The following ABCC5 variants were observed in gnomAD, a reference collection of about 807,000 sequenced individuals.
The protein encoded by ABCC5 is ATP binding cassette subfamily C member 5, also known as ATP-binding cassette sub-family C member 5.
In ABCC5, 61 loss-of-function variants were observed where a neutral mutation model predicts 160.9. The ratio of observed to expected loss-of-function variants is 0.38; its 90% CI spans 0.31 to 0.47. ABCC5 has a LOEUF of 0.47. Among genes scored for constraint, ABCC5 ranks in the 20% least tolerant of loss-of-function variants. The pLI is 0.99. For synonymous variants in ABCC5, 666 were observed against 700.6 expected (o/e 0.95, Z 0.78); for missense variants, 1,308 against 1,813.3 (o/e 0.72, Z 5.06).
chr3:183,927,279 TG>T, intron 28 of ABCC5, 50 bp downstream of exon 28: 1 of 1,572,942 alleles, frequency 6.4e-7, no homozygotes, highest in Non-Finnish European at 8.7e-7. Context: ...AGGGCAAGGC[TG>T]CACTAAAACA....
chr3:183,927,249 C>T (rs1296281468), intron 28 of ABCC5, 81 bp downstream of exon 28: 3 of 1,399,172 alleles, frequency 2.1e-6, no homozygotes, highest in Non-Finnish European at 3.0e-6. Context: ...GCCAGGAATA[C>T]CTTTGGACCC....
chr3:183,989,848 A>G (rs1719587867), intron 2 of ABCC5, among the ~76,000 whole-genome samples: 1 of 152,172 alleles, frequency 6.6e-6, no homozygotes, highest in Non-Finnish European at 1.5e-5. Flanking sequence ...TCTGTCACCC[A>G]GGCTGGAGTG....
intron 24 of ABCC5, among the ~76,000 whole-genome samples, chr3:183,944,295 T>C (rs948866027): frequency 6.6e-6 from 1 of 151,960 alleles, no homozygotes; most frequent in Non-Finnish European, 1.5e-5. Flanking sequence ...TTGGCGGGGC[T>C]GAGGTGGGAG....
chr3:184,008,498 T>G (rs1378286054), intron 2 of ABCC5, among the ~76,000 whole-genome samples: 2 of 152,172 alleles, frequency 1.3e-5, no homozygotes, highest in Non-Finnish European at 2.9e-5. Flanking sequence ...AACCACCACT[T>G]TATTAACACT....
intron 28 of ABCC5, 80 bp downstream of exon 28, chr3:183,927,250 C>G: frequency 7.1e-7 from 1 of 1,413,412 alleles, no homozygotes; most frequent in Non-Finnish European, 9.8e-7. Flanking sequence ...CCAGGAATAC[C>G]TTTGGACCCC....
intron 26 of ABCC5, among the ~76,000 whole-genome samples, chr3:183,935,444 T>C (rs369310020): frequency 4.6e-5 from 7 of 151,696 alleles, no homozygotes; most frequent in Admixed American, 2.6e-4. Context: ...CCTCCCAAAG[T>C]GCTGGGATTA....
intron 17 of ABCC5, among the ~76,000 whole-genome samples, chr3:183,956,978 G>A (rs1463145549): frequency 2.3e-4 from 30 of 129,376 alleles, no homozygotes; most frequent in Middle Eastern, 5.1e-3. Flanking sequence ...GGTTACATGC[G>A]GATCCGTGTG....
At chr3:183,937,020 A>AG (rs1171089684) in intron 26 of ABCC5, among the ~76,000 whole-genome samples, 13 of 152,326 alleles carry the variant, frequency 8.5e-5, no homozygotes, top group African/African-American at 2.6e-4. Flanking sequence ...TATCAAAGGT[A>AG]GGGGAAGATA....
At chr3:183,977,901 C>T (rs1291334856) in intron 9 of ABCC5, among the ~76,000 whole-genome samples, 1 of 152,018 alleles carries the variant, frequency 6.6e-6, no homozygotes, top group East Asian at 1.9e-4. Context: ...TACAGGCATG[C>T]ACCACTATGC....
At chr3:183,974,339 A>C (rs1025041866) in intron 10 of ABCC5, among the ~76,000 whole-genome samples, 1 of 151,952 alleles carries the variant, frequency 6.6e-6, no homozygotes, top group Non-Finnish European at 1.5e-5. Flanking sequence ...ACAGGATCTC[A>C]CTCTGTCACC....
At chr3:183,940,315 T>C (rs1239754629) in intron 25 of ABCC5, among the ~76,000 whole-genome samples, 1 of 139,572 alleles carries the variant, frequency 7.2e-6, no homozygotes, top group African/African-American at 2.7e-5. Context: ...CTGGCAAACA[T>C]GGCAAAACCC....
chr3:183,934,038 G>A (rs2108769385), intron 26 of ABCC5, among the ~76,000 whole-genome samples: 1 of 152,284 alleles, frequency 6.6e-6, no homozygotes, highest in East Asian at 1.9e-4. Context: ...GGGCGCGGTG[G>A]CTCACACCTG....
intron 2 of ABCC5, among the ~76,000 whole-genome samples, chr3:184,007,577 G>A (rs1378383288): frequency 6.6e-6 from 1 of 152,068 alleles, no homozygotes; most frequent in Non-Finnish European, 1.5e-5. Flanking sequence ...TGTAATCCCA[G>A]CACTTTGAGA....
chr3:183,925,499 C>T, intron 29 of ABCC5, 56 bp downstream of exon 29: 3 of 1,593,092 alleles, frequency 1.9e-6, no homozygotes, highest in East Asian at 4.5e-5. Flanking sequence ...CCATCCCTGC[C>T]AGGGGCCAGT....
At chr3:184,015,179 A>G (rs971649244) in intron 1 of ABCC5, among the ~76,000 whole-genome samples, 1 of 152,222 alleles carries the variant, frequency 6.6e-6, no homozygotes, top group African/African-American at 2.4e-5. Flanking sequence ...GTAAAAAACA[A>G]TAACAAAAAC....
chr3:183,973,708 A>C (rs993478406), intron 10 of ABCC5, among the ~76,000 whole-genome samples: 15 of 152,160 alleles, frequency 9.9e-5, no homozygotes, highest in Non-Finnish European at 2.1e-4. Flanking sequence ...CTCTCGAGTA[A>C]CCTTAGGTGT....
rs779573253 is a variant in ABCC5, at chr3:183,977,553, G to A, written c.1368C>T (p.Ser456=). The stretch of plus-strand genomic sequence containing the variant: ...CAACAGCCACTGAGGCTTCTGAGAG[G>A]GACTTTACTGAAAACGGTGTTACTT... ...ALKVTPFSVK[S]LSEASVAVDR... is the part of the protein sequence containing the mutation. Residue 456 remains serine, a synonymous_variant, in exon 10 of 30, where the codon TCC becomes TCT. Coordinates refer to ENST00000334444, the MANE Select transcript of ABCC5 (RefSeq NM_005688.4). 8.7e-6 allele frequency: 14 copies of A among 1,613,978 alleles called. No homozygotes were observed. In the South Asian group the frequency reaches 9.9e-5, roughly 11 times the overall value.
At position 183,949,398 on chromosome 3, in the gene ABCC5, T is replaced by A. The variant is rs1715137450; in HGVS notation, c.3227+355A>T. 1.3e-5 allele frequency among the ~76,000 whole-genome samples: 2 copies of A among 152,240 alleles called. No homozygotes were observed. The highest frequency in any genetic ancestry group is 1.3e-4 in the Admixed American group (2 of 15,286). ...AGGGCCAAGGCCAATAGACTCCTAATCTGTGGGGTTTGTTCCTTGTATTTT... is the reference window on the plus strand; with the variant it reads ...AGGGCCAAGGCCAATAGACTCCTAAACTGTGGGGTTTGTTCCTTGTATTTT... On this transcript the variant is annotated intron_variant, in intron 22 of 29. Coordinates refer to ENST00000334444, the MANE Select transcript of ABCC5 (RefSeq NM_005688.4). This position sits in a 1 kb window ranked among gnomAD's most constrained non-coding sequence, Gnocchi z 4.2.
At chr3:184,001,385 T>C (rs1720731159) in intron 2 of ABCC5, 1 of 420,724 alleles carries the variant, frequency 2.4e-6, no homozygotes. Flanking sequence ...TATTTCTTTT[T>C]TCGTACTAAG....
Sources: gnomAD v4.1 joint callset for allele counts (sites outside exome capture counted in the v4.1 genomes callset) on GRCh38, gnomAD v4.1.1 for gene constraint, Gnocchi (gnomAD v3.1) non-coding constraint, MANE v1.5 for transcripts, NCBI Gene and HGNC (gene_info 2026-07-23, HGNC 2026-07-21) for gene names.